ASIC3: variants seen among roughly 807,000 people sequenced by gnomAD.
ASIC3 encodes the protein acid sensing ion channel subunit 3.
In ASIC3, 46 loss-of-function variants were observed where a neutral mutation model predicts 58.6. The ratio of observed to expected loss-of-function variants is 0.79; its 90% CI spans 0.62 to 1.00. The LOEUF (loss-of-function observed/expected upper bound fraction) is 1.00, where lower values mean the gene tolerates loss of function less well. Among genes scored for constraint, ASIC3 ranks in the 50% least tolerant of loss-of-function variants. The probability of loss-of-function intolerance (pLI) is 0.00; values close to 1 mark genes in which losing one functional copy is unlikely to be tolerated. For missense variants in ASIC3, 770 were observed against 735.0 expected, an observed-to-expected ratio of 1.05 and a Z score of -0.55; for synonymous variants, 336 against 300.2, an observed-to-expected ratio of 1.12 and a Z score of -1.23.
In ASIC3 at chr7:151,052,338, A is replaced by C; in HGVS notation, c.1459-78A>C. ...CCGCCCCAGCTGAGGAGAAACAGGC[A>C]GGAGGGTGTGCAGTGACCTCGACTG... On this transcript the variant is annotated intron_variant, in intron 9 of 10. Coordinates refer to ENST00000349064, the MANE Select transcript of ASIC3 (RefSeq NM_004769.4). The surrounding 1 kb of genome is among the most constrained non-coding windows in gnomAD (Gnocchi z 5.0). The C allele has an allele frequency of 6.2e-7, 1 of 1,612,672 alleles. No homozygotes were observed. Among genetic ancestry groups the C allele is most frequent in the Non-Finnish European group, 8.5e-7 (1 of 1,179,382 alleles).
At position 151,050,063 on chromosome 7, in the gene ASIC3, C is replaced by T. The variant is rs773537442; in HGVS notation, c.535-43C>T. 2.5e-6 allele frequency: 4 copies of T among 1,612,890 alleles called. No individual in the cohort carries two copies. The African/African-American group carries it at 4.0e-5, about 16-fold the overall frequency. On this transcript the variant is annotated intron_variant, in intron 1 of 10. Coordinates refer to ENST00000349064, the MANE Select transcript of ASIC3 (RefSeq NM_004769.4). ...TGGGGAGAGGTCCCATGACCATGTG[C>T]CTGCCTGGGGGAGATGGCCATCACC...
In ASIC3 at chr7:151,052,445, C is replaced by T. The variant is rs367609780; in HGVS notation, c.1488C>T (p.Thr496=). 82 of 1,613,990 alleles carry T rather than the reference C, an allele frequency of 5.1e-5. No homozygotes were observed. Among genetic ancestry groups the T allele is most frequent in the Non-Finnish European group, 6.8e-5 (80 of 1,179,998 alleles). ...AGGAAGGGCTGGGCAGCCATCGAAC[C>T]CAAGTTCCCCACCTCAGCCTGGGCC... ...LLQEGLGSHR[T]QVPHLSLGPR... Residue 496 remains threonine (T), a synonymous_variant, in exon 10 of 11, where the codon ACC becomes ACT. Transcript: ENST00000349064. The surrounding 1 kb of genome is among the most constrained non-coding windows in gnomAD (Gnocchi z 5.0).
At chr7:151,049,754 C>T (rs1796722386) in intron 1 of ASIC3, among the ~76,000 whole-genome samples, 1 of 152,150 alleles carries the variant, frequency 6.6e-6, no homozygotes, top group Admixed American at 6.5e-5. Flanking sequence ...ACCCCTATCT[C>T]TGCCAGGAGG....
At position 151,048,538 on chromosome 7, in the gene ASIC3, G is replaced by A. The variant is rs894684670; in HGVS notation, c.-348G>A. ...TACTGCTGAAACCCAATCCTCTGCAGCAGCGCCGGCTCAGCACCGCCGGCT... is the reference window on the plus strand; with the variant it reads ...TACTGCTGAAACCCAATCCTCTGCAACAGCGCCGGCTCAGCACCGCCGGCT... On this transcript the variant is annotated 5_prime_UTR_variant, in exon 1 of 11. Coordinates refer to ENST00000349064, the MANE Select transcript of ASIC3 (RefSeq NM_004769.4). 2 of 289,934 alleles carry A rather than the reference G, an allele frequency of 6.9e-6. No individual in the cohort carries two copies. Among genetic ancestry groups the A allele is most frequent in the East Asian group, 5.7e-5 (1 of 17,672 alleles). The allele number at this position is 289,934 out of a possible 1,614,324, so 18.0% of individuals were successfully genotyped here.
At chr7:151,051,016 A>G (rs914436436) in intron 4 of ASIC3, 23 bp from the exon 5 acceptor site, 3 of 1,613,140 alleles carry the variant, frequency 1.9e-6, no homozygotes, top group Non-Finnish European at 1.7e-6. Flanking sequence ...CTGCTTCTAA[A>G]GCCATCTCCC....
chr7:151,050,064 C>CT, intron 1 of ASIC3, 42 bp from the exon 2 acceptor site: 1 of 1,613,242 alleles, frequency 6.2e-7, no homozygotes, highest in Admixed American at 1.7e-5. Flanking sequence ...GACCATGTGC[C>CT]TGCCTGGGGG....
chr7:151,051,811 G>C lies in ASIC3; in HGVS notation c.1216G>C (p.Glu406Gln). 1 of 1,613,272 alleles carries C rather than the reference G, an allele frequency of 6.2e-7. No individual in the cohort carries two copies. Among genetic ancestry groups the C allele is most frequent in the Non-Finnish European group, 8.5e-7 (1 of 1,179,984 alleles). Reference protein sequence around the residue: ...KLNRSEAYIAENVLALDIFFE... With the variant: ...KLNRSEAYIAQNVLALDIFFE... ...ATTTGAGGCCATTCTTGTCCTCAGGGAGAACGTGCTGGCCCTGGACATCTT... is the reference window on the plus strand; with the variant it reads ...ATTTGAGGCCATTCTTGTCCTCAGGCAGAACGTGCTGGCCCTGGACATCTT... Residue 406 changes from glutamate (E) to glutamine (Q), a missense_variant and splice_region_variant, in exon 7 of 11, where the codon GAG (glutamate) becomes CAG (glutamine). Coordinates refer to ENST00000349064, the MANE Select transcript of ASIC3 (RefSeq NM_004769.4).
At position 151,051,204 on chromosome 7, in the gene ASIC3, C is replaced by T. The variant is rs1563320807; in HGVS notation, c.1099C>T (p.Pro367Ser). ...GCTTCGCAAGGACTCGTGCGCCTGC[C>T]CCAACCCGTGCGCCAGCACGCGCTA... is the stretch of plus-strand genomic sequence containing the variant. ...AMLRKDSCAC[P>S]NPCASTRYAK... Residue 367 changes from proline to serine, a missense_variant, in exon 6 of 11, where the codon CCC (proline) becomes TCC (serine). By Grantham distance (74) the Pro-to-Ser change is moderately conservative. Coordinates refer to ENST00000349064, the MANE Select transcript of ASIC3 (RefSeq NM_004769.4). 3 of 1,587,848 alleles carry T rather than the reference C, an allele frequency of 1.9e-6. No homozygotes were observed. Among genetic ancestry groups the T allele is most frequent in the Admixed American group, 3.5e-5 (2 of 57,916 alleles).
chr7:151,049,332 CTA>C lies in ASIC3; in HGVS notation c.449_450del (p.Tyr150CysfsTer9), dbSNP rs752000897. 15 of 1,613,084 alleles carry C rather than the reference CTA, an allele frequency of 9.3e-6. No homozygotes were observed. The highest frequency in any genetic ancestry group is 2.7e-5 in the African/African-American group (2 of 74,938). On this transcript the variant is annotated frameshift_variant, in exon 1 of 11. Transcript: ENST00000349064. LOFTEE classifies it high-confidence loss of function. The stretch of plus-strand genomic sequence containing the variant: ...GTCCCACCTTTGACATGGCGCAACT[CTA>C]TGCCCGTGCTGGGCACTCCCTGGAT... ...PSPTFDMAQLYARAGHSLDDM... is the reference protein window; with the variant it reads ...PSPTFDMAQLXARAGHSLDDM...
Position 151,050,806 on chromosome 7 carries a change from A to G in ASIC3, c.862A>G (p.Asn288Asp). ...PWGDCSSASL[N>D]PNYEPEPSDP... ...GGGCGATTGCAGTTCAGCATCTCTG[A>G]ACCCCAACTATGAGCCAGAGCCCTC... The change falls in exon 4 of 11, where the codon AAC becomes GAC. Residue 288 changes from asparagine to aspartate, a missense_variant. By Grantham distance (23) the Asn-to-Asp change is conservative. Transcript: ENST00000349064. 1.9e-6 allele frequency: 3 copies of G among 1,613,764 alleles called. No individual in the cohort carries two copies. The highest frequency in any genetic ancestry group is 1.6e-4 in the Middle Eastern group (1 of 6,062).
rs762210602 is a variant in ASIC3 at position 151,052,155 on chromosome 7, C to T, written c.1387-11C>T. 9.3e-6 allele frequency: 15 copies of T among 1,613,912 alleles called. No individual in the cohort carries two copies. The highest frequency in any genetic ancestry group is 1.1e-5 in the Non-Finnish European group (13 of 1,179,970). On this transcript the variant is annotated splice_polypyrimidine_tract_variant and intron_variant, in intron 8 of 10. Coordinates refer to ENST00000349064, the MANE Select transcript of ASIC3 (RefSeq NM_004769.4). The surrounding 1 kb of genome is among the most constrained non-coding windows in gnomAD (Gnocchi z 5.0). ...TGTGCACTGGCCACCTCCCATCCTG[C>T]TTGCCTCCAGGTGTTCCGAGACAAG...
At chr7:151,050,305 A>C in intron 2 of ASIC3, 49 bp downstream of exon 2, 1 of 1,591,574 alleles carries the variant, frequency 6.3e-7, no homozygotes, top group Non-Finnish European at 8.6e-7. Context: ...TGGAGTGCAA[A>C]AGGCTAGGGG....
At position 151,051,257 on chromosome 7, in the gene ASIC3, C is replaced by G; in HGVS notation, c.1152C>G (p.Ile384Met). ...RYAKELSMVR[I>M]PSRAAARFLA... ...CCAAGGAGCTCTCCATGGTGCGGATCCCGAGCCGCGCCGCCGCGCGCTTCC... is the reference window on the plus strand; with the variant it reads ...CCAAGGAGCTCTCCATGGTGCGGATGCCGAGCCGCGCCGCCGCGCGCTTCC... The change falls in exon 6 of 11, where the codon ATC becomes ATG. Residue 384 changes from isoleucine (I) to methionine (M), a missense_variant. Transcript: ENST00000349064. 1 of 1,540,166 alleles carries G rather than the reference C, an allele frequency of 6.5e-7. No individual in the cohort carries two copies. Among genetic ancestry groups the G allele is most frequent in the Non-Finnish European group, 8.7e-7 (1 of 1,151,694 alleles).
Position 151,048,675 on chromosome 7 carries a change from A to C in ASIC3, c.-211A>C. On this transcript the variant is annotated 5_prime_UTR_variant, in exon 1 of 11. Coordinates refer to ENST00000349064, the MANE Select transcript of ASIC3 (RefSeq NM_004769.4). ...GTGGAGCCACCGCCTGTTCCTCGGG[A>C]AGGAACAGTGGGACCTGACCGGCCA... 1 of 576,702 alleles carries C rather than the reference A, an allele frequency of 1.7e-6. No individual in the cohort carries two copies. The highest frequency in any genetic ancestry group is 3.0e-6 in the Non-Finnish European group (1 of 334,068). 35.7% of individuals were successfully genotyped at this position (576,702 alleles called of 1,614,324 possible). A position where few individuals can be genotyped will look rare whatever the true frequency, so the allele number is the denominator to read the frequency against.
In ASIC3 at chr7:151,051,970, C is replaced by T. The variant is rs776742446; in HGVS notation, c.1307-13C>T. 9 of 1,613,380 alleles carry T rather than the reference C, an allele frequency of 5.6e-6. No individual in the cohort carries two copies. The highest frequency in any genetic ancestry group is 7.6e-6 in the Non-Finnish European group (9 of 1,179,810). Reference sequence around the variant, plus strand: ...AGGTGGCTGTAAGTTGAAGGGTGACCCTGTCTCCACAGGTGACATTGGGGG... The same window carrying T: ...AGGTGGCTGTAAGTTGAAGGGTGACTCTGTCTCCACAGGTGACATTGGGGG... On this transcript the variant is annotated splice_polypyrimidine_tract_variant and intron_variant, in intron 7 of 10. Transcript: ENST00000349064.
chr7:151,049,954 A>G, intron 1 of ASIC3, 152 bp from the exon 2 acceptor site: 1 of 985,044 alleles, frequency 1.0e-6, no homozygotes, highest in Non-Finnish European at 1.5e-6. Context: ...GCGTCCTGCA[A>G]CATGTGCCCA....
In ASIC3 at chr7:151,050,115, C is replaced by T. The variant is rs141892433; in HGVS notation, c.544C>T (p.Arg182Trp). 43 of 1,614,018 alleles carry T rather than the reference C, an allele frequency of 2.7e-5. No individual in the cohort carries two copies. Among genetic ancestry groups the T allele is most frequent in the South Asian group, 4.4e-5 (4 of 91,092 alleles). The change falls in exon 2 of 11, where the codon CGG becomes TGG. Residue 182 changes from arginine (R) to tryptophan (W), a missense_variant. Transcript: ENST00000349064. Reference protein sequence around the residue: ...GPENFTTIFTRMGKCYTFNSG... With the variant: ...GPENFTTIFTWMGKCYTFNSG... ...TGTCTGCCCGCCCCAGATCTTCACC[C>T]GGATGGGAAAGTGCTACACATTTAA...
Position 151,048,593 on chromosome 7 carries a change from C to T in ASIC3, c.-293C>T, listed in dbSNP as rs755232605. 5 of 414,006 alleles carry T rather than the reference C, an allele frequency of 1.2e-5. No individual in the cohort carries two copies. Among genetic ancestry groups the T allele is most frequent in the South Asian group, 7.8e-5 (1 of 12,884 alleles). 25.6% of individuals were successfully genotyped at this position (414,006 alleles called of 1,614,324 possible). Reference sequence around the variant, plus strand: ...ACCGCTCCGCAGCCCCTGCCTGCCACGGTCAGCTACGTCCCACCTGGTCTG... The same window carrying T: ...ACCGCTCCGCAGCCCCTGCCTGCCATGGTCAGCTACGTCCCACCTGGTCTG... On this transcript the variant is annotated 5_prime_UTR_variant, in exon 1 of 11. The change creates a new upstream start codon in the 5' untranslated region. Transcript: ENST00000349064.
Position 151,050,609 on chromosome 7 carries a change from G to A in ASIC3, c.813+1G>A. On this transcript the variant is annotated splice_donor_variant, in intron 3 of 10. Transcript: ENST00000349064. LOFTEE classifies it high-confidence loss of function. ...CTTTGTTTCTTGCCAGCAGCAGCAG[G>A]TACCCTTCCGTGTGCCTCCACACCT... is the stretch of plus-strand genomic sequence containing the variant. The A allele has an allele frequency of 1.2e-6, 2 of 1,613,932 alleles. No homozygotes were observed. The highest frequency in any genetic ancestry group is 1.7e-6 in the Non-Finnish European group (2 of 1,179,898).
Sources: allele counts gnomAD v4.1 joint callset (sites outside exome capture counted in the v4.1 genomes callset), GRCh38; gene constraint gnomAD v4.1.1; non-coding constraint Gnocchi (gnomAD v3.1); transcripts MANE v1.5; gene names NCBI Gene and HGNC (gene_info 2026-07-23, HGNC 2026-07-21).